LCOR: variants seen among roughly 807,000 people sequenced by gnomAD.
LCOR encodes ligand-dependent corepressor.
Under a neutral mutation model 64.4 loss-of-function variants are expected in LCOR, and 14 were observed. That is an observed-to-expected ratio of 0.22 (90% confidence interval 0.14 to 0.34). LCOR has a LOEUF of 0.34. Ranked by LOEUF, LCOR falls within the 10% of genes least tolerant of loss-of-function variation. The pLI is 1.00. For synonymous variants in LCOR, 643 were observed against 642.5 expected (o/e 1.00, Z -0.01); for missense variants, 1,686 against 1,765.3 (o/e 0.96, Z 0.80).
intron 2 of LCOR, among the ~76,000 whole-genome samples, chr10:96,871,668 C>A (rs199509469): frequency 6.6e-6 from 1 of 151,842 alleles, no homozygotes; most frequent in East Asian, 1.9e-4. Flanking sequence ...CAAAGCAAAT[C>A]GGCATGCCTT....
At chr10:96,895,340 C>G (rs1374211221) in intron 2 of LCOR, among the ~76,000 whole-genome samples, 1 of 152,188 alleles carries the variant, frequency 6.6e-6, no homozygotes, top group Non-Finnish European at 1.5e-5. Flanking sequence ...CCCTCACATT[C>G]CACATCGGCA....
At chr10:96,855,643 C>G (rs1253382779) in intron 2 of LCOR, among the ~76,000 whole-genome samples, 1 of 151,938 alleles carries the variant, frequency 6.6e-6, no homozygotes, top group Non-Finnish European at 1.5e-5. Flanking sequence ...ACCATGTTGG[C>G]CAGGCTGGTC....
chr10:96,977,341 T>C (rs1033071530), intron 7 of LCOR, among the ~76,000 whole-genome samples: 2 of 152,190 alleles, frequency 1.3e-5, no homozygotes, highest in Admixed American at 6.5e-5. Context: ...GAAGATTTAA[T>C]ACAATACAGG....
intron 2 of LCOR, among the ~76,000 whole-genome samples, chr10:96,897,866 CTT>C (rs59098946): frequency 0.029 from 3,420 of 116,208 alleles, 107 homozygotes; most frequent in African/African-American, 0.1. Context: ...AGAAAGCCAT[CTT>C]TTTTTTTTTT....
In LCOR at chr10:96,982,510, G is replaced by T. The variant is rs373519273; in HGVS notation, c.2050G>T (p.Asp684Tyr). Residue 684 changes from aspartate (D) to tyrosine (Y), a missense_variant, in exon 8 of 8, where the codon GAT (aspartate) becomes TAT (tyrosine). This residue lies in a region of LCOR where 1,293 missense variants were observed against 1,410.4 expected (regional missense o/e 0.92). Transcript: ENST00000421806. The stretch of plus-strand genomic sequence containing the variant: ...AAGCTTTTCCGGGGGAGTCAGTGAA[G>T]ATGTCATTTCTAGGCCTCATTCTCC... Reference protein sequence around the residue: ...TESFSGGVSEDVISRPHSPPE... With the variant: ...TESFSGGVSEYVISRPHSPPE... 1 of 1,614,068 alleles carries T rather than the reference G, an allele frequency of 6.2e-7. No individual in the cohort carries two copies. Among genetic ancestry groups the T allele is most frequent in the African/African-American group, 1.3e-5 (1 of 74,930 alleles).
rs548326842 is a variant in LCOR, at chr10:96,855,997, G to A, written c.-330+22518G>A. On this transcript the variant is annotated intron_variant, in intron 2 of 7. Coordinates refer to ENST00000421806, the MANE Select transcript of LCOR (RefSeq NM_001346516.2). ...GACCTCAGGTGATCCGCCTGCCTCAGCCTCCCAACGTGCTGGGATCACAGG... is the reference window on the plus strand; with the variant it reads ...GACCTCAGGTGATCCGCCTGCCTCAACCTCCCAACGTGCTGGGATCACAGG... 2.4e-4 allele frequency among the ~76,000 whole-genome samples: 36 copies of A among 152,272 alleles called. No individual in the cohort carries two copies. In the South Asian group the frequency reaches 7.2e-3, roughly 31 times the overall value.
chr10:96,938,200 C>T (rs192425910), intron 4 of LCOR, among the ~76,000 whole-genome samples: 62 of 152,264 alleles, frequency 4.1e-4, no homozygotes, highest in Non-Finnish European at 7.4e-4. Flanking sequence ...CTCAAGCGAT[C>T]CTCCCCAGAG....
At chr10:96,955,003 A>C in intron 7 of LCOR, 2 of 1,614,060 alleles carry the variant, frequency 1.2e-6, no homozygotes, top group Non-Finnish European at 1.7e-6. Flanking sequence ...CGGAGTGGTG[A>C]TGGGGTACCT....
Position 96,931,131 on chromosome 10 carries a change from T to C in LCOR, c.-183-12982T>C, listed in dbSNP as rs184319375. Among the ~76,000 whole-genome samples the C allele has an allele frequency of 7.9e-5, 12 of 152,182 alleles. No homozygotes were observed. In the East Asian group the frequency reaches 2.3e-3, roughly 29 times the overall value. On this transcript the variant is annotated intron_variant, in intron 4 of 7. Transcript: ENST00000421806. ...ATGACAAATATTATTTATAATATTA[T>C]TATTAAAGCTTTTCCTGTTGGAAAA...
chr10:96,919,781 C>T (rs1847016415), intron 4 of LCOR, among the ~76,000 whole-genome samples: 1 of 152,146 alleles, frequency 6.6e-6, no homozygotes, highest in Admixed American at 6.6e-5. Context: ...CTTGTATTGC[C>T]TAAGATAGTG....
intron 2 of LCOR, among the ~76,000 whole-genome samples, chr10:96,848,299 A>G (rs976608326): frequency 2.0e-5 from 3 of 152,250 alleles, no homozygotes; most frequent in African/African-American, 4.8e-5. Context: ...AGTATAAGCA[A>G]TGACATAGTG....
chr10:96,897,520 A>C lies in LCOR; in HGVS notation c.-329-9745A>C, dbSNP rs139909066. On this transcript the variant is annotated intron_variant, in intron 2 of 7. Transcript: ENST00000421806. ...CTGCCCCTGGATTTCCAAAGACTTA[A>C]TCTGACCTAGCTACTCACTACCTCT... is the stretch of plus-strand genomic sequence containing the variant. 5.1e-4 allele frequency among the ~76,000 whole-genome samples: 78 copies of C among 152,338 alleles called. No homozygotes were observed. The East Asian group carries it at 0.014, about 28-fold the overall frequency.
At chr10:96,858,823 A>G (rs1792949952) in intron 2 of LCOR, among the ~76,000 whole-genome samples, 1 of 152,184 alleles carries the variant, frequency 6.6e-6, no homozygotes, top group African/African-American at 2.4e-5. Context: ...TTTGTAACTT[A>G]GATTCCAGAA....
intron 2 of LCOR, among the ~76,000 whole-genome samples, chr10:96,878,457 A>G (rs7072273): frequency 0.15 from 22,280 of 152,146 alleles, 2,282 homozygotes; most frequent in African/African-American, 0.28. Context: ...TGTGGAAAGT[A>G]AGAAGAGAGA....
intron 2 of LCOR, among the ~76,000 whole-genome samples, chr10:96,862,380 C>T (rs1029787022): frequency 6.6e-6 from 1 of 152,120 alleles, no homozygotes; most frequent in African/African-American, 2.4e-5. Flanking sequence ...GTCCTCCCAC[C>T]TCAGCCTCCT....
At chr10:96,925,546 G>A (rs1434534392) in intron 4 of LCOR, among the ~76,000 whole-genome samples, 1 of 152,052 alleles carries the variant, frequency 6.6e-6, no homozygotes, top group Non-Finnish European at 1.5e-5. Flanking sequence ...ATCATATCAT[G>A]AAGCATACAA....
chr10:96,958,883 G>C (rs1393999065), intron 7 of LCOR: 2 of 131,450 alleles, frequency 1.5e-5, no homozygotes, highest in East Asian at 4.3e-4. Flanking sequence ...TGAATTTCAT[G>C]AGCCTCTCAA....
At chr10:96,879,390 A>T (rs183566911) in intron 2 of LCOR, among the ~76,000 whole-genome samples, 5 of 152,300 alleles carry the variant, frequency 3.3e-5, no homozygotes, top group African/African-American at 1.2e-4. Flanking sequence ...ATTTTATTGT[A>T]GTCATGAATG....
intron 7 of LCOR, chr10:96,958,387 T>G (rs1847818914): frequency 6.5e-7 from 1 of 1,527,538 alleles, no homozygotes; most frequent in Non-Finnish European, 8.8e-7. Context: ...TTTACTAACA[T>G]AAATATTTTC....
Sources: gnomAD v4.1 joint callset for allele counts (sites outside exome capture counted in the v4.1 genomes callset) on GRCh38, gnomAD v4.1.1 for gene constraint, gnomAD v4.1.1 regional missense constraint, MANE v1.5 for transcripts, NCBI Gene and HGNC (gene_info 2026-07-23, HGNC 2026-07-21) for gene names.